Variants in KHDRBS2 observed in about 807,000 individuals in gnomAD.
The protein encoded by KHDRBS2 is KH RNA binding domain containing, signal transduction associated 2, also known as KH domain-containing, RNA-binding, signal transduction-associated protein 2.
Under a neutral mutation model 44.3 loss-of-function variants are expected in KHDRBS2, and 26 were observed. The observed-to-expected ratio is 0.59, with a 90% CI of 0.43 to 0.81. KHDRBS2 has a LOEUF of 0.81. KHDRBS2 is among the 40% of genes least tolerant of loss of function. The pLI, the probability that KHDRBS2 is intolerant of heterozygous loss-of-function variation, is 0.00. For missense variants in KHDRBS2, 476 were observed against 433.1 expected (o/e 1.10, Z -0.88); for synonymous variants, 194 against 151.1 (o/e 1.28, Z -2.08).
chr6:62,107,053 C>A (rs1443105922), intron 2 of KHDRBS2, among the ~76,000 whole-genome samples: 1 of 152,046 alleles, frequency 6.6e-6, no homozygotes, highest in African/African-American at 2.4e-5. Context: ...TGCCCTCTCT[C>A]ACCACTCCTA....
chr6:61,714,622 C>G (rs921578198), intron 7 of KHDRBS2, among the ~76,000 whole-genome samples: 22 of 151,844 alleles, frequency 1.4e-4, no homozygotes. Flanking sequence ...GCACTATTCA[C>G]TATAGCAAAG....
chr6:62,135,937 G>A (rs377390402), intron 2 of KHDRBS2, among the ~76,000 whole-genome samples: 12 of 152,070 alleles, frequency 7.9e-5, no homozygotes, highest in East Asian at 1.9e-4. Flanking sequence ...CAAAGGGCAC[G>A]AAGATGTAGT....
At chr6:61,951,533 A>T (rs1366027076) in intron 4 of KHDRBS2, among the ~76,000 whole-genome samples, 2 of 152,026 alleles carry the variant, frequency 1.3e-5, no homozygotes, top group Non-Finnish European at 2.9e-5. Flanking sequence ...GCCTCCTAAC[A>T]TATGGTCAAT....
the KHDRBS2 span, among the ~76,000 whole-genome samples, chr6:61,619,442 T>C: frequency 7.2e-5 from 1 of 13,878 alleles, no homozygotes; most frequent in African/African-American, 1.1e-4. Flanking sequence ...ATTATTTTTG[T>C]TTGTTTGTTT....
At chr6:61,685,463 C>A (rs1279693224) in intron 8 of KHDRBS2, among the ~76,000 whole-genome samples, 1 of 151,806 alleles carries the variant, frequency 6.6e-6, no homozygotes, top group Non-Finnish European at 1.5e-5. Context: ...TAAAATAGAA[C>A]TTTTCAGAAA....
At chr6:61,576,606 C>G in the KHDRBS2 span, among the ~76,000 whole-genome samples, 1 of 152,038 alleles carries the variant, frequency 6.6e-6, no homozygotes, top group African/African-American at 2.4e-5. Flanking sequence ...TTTATTTAGG[C>G]ATAATTAACA....
At chr6:61,851,210 C>T (rs781457276) in intron 6 of KHDRBS2, among the ~76,000 whole-genome samples, 3 of 151,666 alleles carry the variant, frequency 2.0e-5, no homozygotes, top group Non-Finnish European at 2.9e-5. Context: ...TATATATATA[C>T]ACACACACAT....
At chr6:62,088,698 G>C (rs1016182601) in intron 2 of KHDRBS2, among the ~76,000 whole-genome samples, 4 of 152,100 alleles carry the variant, frequency 2.6e-5, no homozygotes, top group African/African-American at 9.7e-5. Context: ...CACTTGGGGG[G>C]ACATGGACCC....
chr6:61,622,880 G>A, the KHDRBS2 span, among the ~76,000 whole-genome samples: 1 of 152,092 alleles, frequency 6.6e-6, no homozygotes, highest in Admixed American at 6.6e-5. Context: ...GGTCAGATAA[G>A]TGTTCACAGA....
chr6:61,812,902 G>A (rs932431276), intron 6 of KHDRBS2, among the ~76,000 whole-genome samples: 3 of 151,950 alleles, frequency 2.0e-5, no homozygotes, highest in Non-Finnish European at 4.4e-5. Context: ...ACATTTATAT[G>A]TATATAGTTG....
chr6:61,609,770 T>G, the KHDRBS2 span, among the ~76,000 whole-genome samples: 1 of 152,202 alleles, frequency 6.6e-6, no homozygotes, highest in Non-Finnish European at 1.5e-5. Flanking sequence ...GCTGGTAAAT[T>G]TCCAAGCAGT....
At chr6:61,743,876 G>A (rs951389184) in intron 6 of KHDRBS2, among the ~76,000 whole-genome samples, 14 of 148,870 alleles carry the variant, frequency 9.4e-5, no homozygotes, top group East Asian at 6.0e-4. Context: ...GAGAACATGC[G>A]GTGTTTGGTT....
chr6:62,016,136 G>T (rs555959194), intron 3 of KHDRBS2, among the ~76,000 whole-genome samples: 1 of 151,942 alleles, frequency 6.6e-6, no homozygotes, highest in South Asian at 2.1e-4. Flanking sequence ...TTTTCCCATG[G>T]ATATTTTAGT....
chr6:62,065,375 A>G (rs1285785007), intron 2 of KHDRBS2, among the ~76,000 whole-genome samples: 1 of 151,654 alleles, frequency 6.6e-6, no homozygotes, highest in Non-Finnish European at 1.5e-5. Flanking sequence ...AAAGACTTGG[A>G]ACCAACCCAA....
chr6:61,607,058 AG>A, the KHDRBS2 span, among the ~76,000 whole-genome samples: 1 of 152,184 alleles, frequency 6.6e-6, no homozygotes, highest in Non-Finnish European at 1.5e-5. Context: ...AGAGTAATAT[AG>A]AAAATAGGAA....
intron 6 of KHDRBS2, among the ~76,000 whole-genome samples, chr6:61,843,791 T>G (rs1371252092): frequency 1.3e-5 from 2 of 152,200 alleles, no homozygotes; most frequent in Non-Finnish European, 2.9e-5. Context: ...TAAGAAGCAC[T>G]TAAATTATAT....
chr6:62,189,227 T>C (rs932281831), intron 1 of KHDRBS2, among the ~76,000 whole-genome samples: 2 of 152,098 alleles, frequency 1.3e-5, no homozygotes, highest in Non-Finnish European at 2.9e-5. Context: ...TAGAGGTCCA[T>C]GTTGTGAGGA....
intron 1 of KHDRBS2, among the ~76,000 whole-genome samples, chr6:62,284,406 C>A (rs568034664): frequency 6.6e-5 from 10 of 152,024 alleles, no homozygotes; most frequent in African/African-American, 9.7e-5. Context: ...ATACTGAAGA[C>A]TGGTAAGACT....
At chr6:62,186,471 T>G (rs918816801) in intron 1 of KHDRBS2, among the ~76,000 whole-genome samples, 2 of 152,082 alleles carry the variant, frequency 1.3e-5, no homozygotes, top group Non-Finnish European at 2.9e-5. Context: ...AGCTTACATC[T>G]TGTCTTTAAG....
Sources: allele counts gnomAD v4.1 joint callset (sites outside exome capture counted in the v4.1 genomes callset), GRCh38; gene constraint gnomAD v4.1.1; transcripts MANE v1.5; gene names NCBI Gene and HGNC (gene_info 2026-07-23, HGNC 2026-07-21).